The following TC2N variants were observed in gnomAD, a reference collection of about 807,000 sequenced individuals.
The protein encoded by TC2N is tandem C2 domains nuclear protein.
TC2N carries 51 observed loss-of-function variants against 61.9 expected under a neutral mutation model. That is an observed-to-expected ratio of 0.82 (90% confidence interval 0.66 to 1.04). The LOEUF (loss-of-function observed/expected upper bound fraction) is 1.04, where lower values mean the gene tolerates loss of function less well. Among genes scored for constraint, TC2N ranks in the 50% least tolerant of loss-of-function variants. TC2N has a pLI of 0.00. For missense variants in TC2N, 556 were observed against 566.7 expected (o/e 0.98, Z 0.19); for synonymous variants, 204 against 192.6 (o/e 1.06, Z -0.49).
chr14:91,814,230 AAG>A (rs966205796), intron 1 of TC2N, among the ~76,000 whole-genome samples: 1 of 151,306 alleles, frequency 6.6e-6, no homozygotes, highest in Non-Finnish European at 1.5e-5. Flanking sequence ...CAAAGAAAAA[AAG>A]AGAGAAAGAA....
chr14:91,847,452 G>A (rs1387939646), intron 1 of TC2N, among the ~76,000 whole-genome samples: 1 of 152,198 alleles, frequency 6.6e-6, no homozygotes, highest in African/African-American at 2.4e-5. Flanking sequence ...CAGATAAGGT[G>A]ATGCAGTTTC....
intron 1 of TC2N, among the ~76,000 whole-genome samples, chr14:91,833,020 AAC>A (rs1887852461): frequency 6.6e-6 from 1 of 152,226 alleles, no homozygotes. Context: ...TAGACTAAAC[AAC>A]ACAGTGTTTG....
chr14:91,788,561 T>C (rs1190615411), intron 9 of TC2N, among the ~76,000 whole-genome samples: 2 of 152,168 alleles, frequency 1.3e-5, no homozygotes, highest in East Asian at 3.8e-4. Context: ...TGAATGACAC[T>C]TGATGAAGAC....
chr14:91,865,389 T>A (rs868288410), intron 1 of TC2N, among the ~76,000 whole-genome samples: 3 of 144,868 alleles, frequency 2.1e-5, no homozygotes, highest in Middle Eastern at 3.5e-3. Context: ...TTTTTTTTTT[T>A]TAAAAAAACA....
At chr14:91,845,927 G>C (rs1253514966) in intron 1 of TC2N, among the ~76,000 whole-genome samples, 1 of 152,222 alleles carries the variant, frequency 6.6e-6, no homozygotes, top group Non-Finnish European at 1.5e-5. Flanking sequence ...TTCTGGGAGA[G>C]GAATCTGATT....
At chr14:91,835,614 C>T (rs1475225186) in intron 1 of TC2N, among the ~76,000 whole-genome samples, 1 of 152,196 alleles carries the variant, frequency 6.6e-6, no homozygotes, top group Non-Finnish European at 1.5e-5. Context: ...TCCACAGTAT[C>T]TTCCTCTAAA....
At chr14:91,852,399 C>A (rs1404367059) in intron 1 of TC2N, among the ~76,000 whole-genome samples, 1 of 152,110 alleles carries the variant, frequency 6.6e-6, no homozygotes, top group Non-Finnish European at 1.5e-5. Context: ...CCATTTCACT[C>A]CAGCCTGGGC....
intron 1 of TC2N, among the ~76,000 whole-genome samples, chr14:91,866,826 T>C (rs1406203036): frequency 2.6e-5 from 4 of 152,158 alleles, no homozygotes; most frequent in Non-Finnish European, 5.9e-5. Flanking sequence ...AAAAATAACA[T>C]TTGATGATTC....
intron 1 of TC2N, among the ~76,000 whole-genome samples, chr14:91,835,244 G>C (rs149544296): frequency 2.0e-5 from 3 of 152,194 alleles, no homozygotes; most frequent in African/African-American, 7.2e-5. Context: ...AAATACAAAA[G>C]AGATGATAAA....
At chr14:91,825,973 G>T (rs1256214191) in intron 1 of TC2N, among the ~76,000 whole-genome samples, 1 of 152,102 alleles carries the variant, frequency 6.6e-6, no homozygotes, top group Non-Finnish European at 1.5e-5. Context: ...ACTTTGAGGT[G>T]CAATGTTCCA....
chr14:91,854,930 G>C, intron 1 of TC2N, among the ~76,000 whole-genome samples: 1 of 152,246 alleles, frequency 6.6e-6, no homozygotes. Flanking sequence ...CCTTCTGAGA[G>C]GAGGCTGCTA....
At chr14:91,858,030 A>T (rs529510787) in intron 1 of TC2N, among the ~76,000 whole-genome samples, 1 of 152,262 alleles carries the variant, frequency 6.6e-6, no homozygotes, top group African/African-American at 2.4e-5. Flanking sequence ...CATTGGTGCC[A>T]TCATGGCTCA....
At chr14:91,791,284 T>C (rs1466476679) in intron 9 of TC2N, among the ~76,000 whole-genome samples, 1 of 152,070 alleles carries the variant, frequency 6.6e-6, no homozygotes, top group Non-Finnish European at 1.5e-5. Flanking sequence ...TAATTTTTTT[T>C]AGTTTATGTA....
At chr14:91,808,621 A>T (rs1886627590) in intron 3 of TC2N, among the ~76,000 whole-genome samples, 1 of 152,180 alleles carries the variant, frequency 6.6e-6, no homozygotes, top group South Asian at 2.1e-4. Flanking sequence ...AATATATACA[A>T]ATCAGATGGT....
intron 1 of TC2N, among the ~76,000 whole-genome samples, chr14:91,853,425 TG>T (rs1888414530): frequency 6.6e-6 from 1 of 152,196 alleles, no homozygotes; most frequent in African/African-American, 2.4e-5. Flanking sequence ...AGATGTTCAC[TG>T]CGATAATGGC....
At chr14:91,853,891 T>C (rs1888427431) in intron 1 of TC2N, among the ~76,000 whole-genome samples, 1 of 152,120 alleles carries the variant, frequency 6.6e-6, no homozygotes, top group African/African-American at 2.4e-5. Context: ...GTGGGATGCA[T>C]TGTTTGTGCA....
chr14:91,839,843 C>T lies in TC2N; in HGVS notation c.-56-26018G>A, dbSNP rs1315675350. On this transcript the variant is annotated intron_variant, in intron 1 of 11. Coordinates refer to ENST00000435962, the MANE Select transcript of TC2N (RefSeq NM_001128596.3). ...CAGGTGCAGTACTAGGCACTTGCTT[C>T]AGAGAGGAAGTGACATTTCAAAAGT... Among the ~76,000 whole-genome samples the T allele has an allele frequency of 2.0e-5, 3 of 152,206 alleles. No homozygotes were observed. The East Asian group carries it at 5.8e-4, about 29-fold the overall frequency.
intron 1 of TC2N, among the ~76,000 whole-genome samples, chr14:91,858,648 G>A (rs552160285): frequency 6.6e-6 from 1 of 152,130 alleles, no homozygotes; most frequent in Non-Finnish European, 1.5e-5. Context: ...GTTAATGCAC[G>A]TTTCAGTTTT....
intron 9 of TC2N, among the ~76,000 whole-genome samples, chr14:91,790,663 T>C (rs941838302): frequency 6.6e-6 from 1 of 152,246 alleles, no homozygotes; most frequent in African/African-American, 2.4e-5. Flanking sequence ...CTGAGTTCTC[T>C]TCTTATATAC....
Sources: gnomAD v4.1 joint callset for allele counts (sites outside exome capture counted in the v4.1 genomes callset) on GRCh38, gnomAD v4.1.1 for gene constraint, MANE v1.5 for transcripts, NCBI Gene and HGNC (gene_info 2026-07-23, HGNC 2026-07-21) for gene names.